DCAF8L2: variants seen among roughly 807,000 people sequenced by gnomAD.
The protein encoded by DCAF8L2 is DDB1 and CUL4 associated factor 8 like 2, also known as DDB1- and CUL4-associated factor 8-like protein 2.
For synonymous variants in DCAF8L2, 200 were observed against 190.9 expected (o/e 1.05, Z -0.39); for missense variants, 430 against 490.7 (o/e 0.88, Z 1.17).
the DCAF8L2 span, among the ~76,000 whole-genome samples, chrX:27,557,944 T>C: frequency 9.0e-6 from 1 of 111,649 alleles, no homozygotes; most frequent in African/African-American, 3.3e-5. Context: ...TGAGACAAAC[T>C]AGAGTCTCTG....
chrX:27,718,115 T>C (rs1456609184), intron 4 of DCAF8L2, among the ~76,000 whole-genome samples: 2 of 112,030 alleles, frequency 1.8e-5, no homozygotes, highest in African/African-American at 6.5e-5. Flanking sequence ...TGTATTTGTG[T>C]AGCCATTCCC....
chrX:27,733,730 T>C (rs903864997), intron 4 of DCAF8L2, among the ~76,000 whole-genome samples: 1 of 111,433 alleles, frequency 9.0e-6, no homozygotes, highest in Non-Finnish European at 1.9e-5. Flanking sequence ...AGGGTTCAAT[T>C]TCATTATTTT....
chrX:27,640,831 A>G (rs1267163271), intron 2 of DCAF8L2, among the ~76,000 whole-genome samples: 1 of 111,487 alleles, frequency 9.0e-6, no homozygotes, highest in Non-Finnish European at 1.9e-5. Flanking sequence ...GGAGTATTTT[A>G]TTATCATTTT....
chrX:27,697,399 G>A (rs1352932378), intron 3 of DCAF8L2, among the ~76,000 whole-genome samples: 1 of 111,368 alleles, frequency 9.0e-6, no homozygotes, highest in Non-Finnish European at 1.9e-5. Flanking sequence ...TTGGGGAAAT[G>A]AGAATGATGT....
intron 2 of DCAF8L2, among the ~76,000 whole-genome samples, chrX:27,648,445 G>T (rs960009387): frequency 1.9e-5 from 2 of 107,832 alleles, no homozygotes; most frequent in Non-Finnish European, 1.9e-5. Context: ...ATAGAGGCAT[G>T]ATTTTTATTT....
chrX:27,482,226 C>T, the DCAF8L2 span, among the ~76,000 whole-genome samples: 3 of 111,365 alleles, frequency 2.7e-5, no homozygotes, highest in East Asian at 2.8e-4. Flanking sequence ...AATTTAGAAA[C>T]GTAACAAATC....
intron 1 of DCAF8L2, among the ~76,000 whole-genome samples, chrX:27,620,844 G>A (rs1207468257): frequency 9.0e-6 from 1 of 111,562 alleles, no homozygotes; most frequent in Non-Finnish European, 1.9e-5. Context: ...TTAAAAACAG[G>A]GCTTCAAAGA....
intron 3 of DCAF8L2, among the ~76,000 whole-genome samples, chrX:27,702,665 T>C (rs1024827547): frequency 9.0e-6 from 1 of 111,116 alleles, no homozygotes; most frequent in Admixed American, 9.7e-5. Flanking sequence ...CATTTCATGA[T>C]AAAGCATCTT....
intron 2 of DCAF8L2, among the ~76,000 whole-genome samples, chrX:27,644,745 CCTAA>C (rs1928874247): frequency 1.8e-5 from 2 of 111,522 alleles, no homozygotes; most frequent in African/African-American, 6.5e-5. Flanking sequence ...GGGACTCATC[CCTAA>C]CTCTTTTTTG....
At position 27,614,431 on chromosome X, in the gene DCAF8L2, G is replaced by GT. The variant is rs1927355872; in HGVS notation, c.-341-17442dup. Among the ~76,000 whole-genome samples, 3 of 110,819 alleles carry GT rather than the reference G, an allele frequency of 2.7e-5. No individual in the cohort carries two copies. The South Asian group carries it at 1.2e-3, about 43-fold the overall frequency. ...TCTGGATTCATTGATTTTTTGAAGG[G>GT]TTTTTTGTGTCTCTATCTCCTTCAG... On this transcript the variant is annotated intron_variant, in intron 1 of 4. Transcript: ENST00000451261.
At chrX:27,719,070 A>G (rs769832853) in intron 4 of DCAF8L2, among the ~76,000 whole-genome samples, 2 of 111,981 alleles carry the variant, frequency 1.8e-5, no homozygotes, top group East Asian at 2.8e-4. Flanking sequence ...ATCTTGGGCA[A>G]ACATCTAGGA....
At chrX:27,500,723 T>G in the DCAF8L2 span, among the ~76,000 whole-genome samples, 19 of 111,662 alleles carry the variant, frequency 1.7e-4, no homozygotes, top group East Asian at 2.0e-3. Context: ...AAAGGAAAGT[T>G]TCTTGTATTA....
chrX:27,619,577 T>TC lies in DCAF8L2; in HGVS notation c.-341-12302_-341-12301insC, dbSNP rs1296116563. 2.7e-5 allele frequency among the ~76,000 whole-genome samples: 3 copies of TC among 111,413 alleles called. No individual in the cohort carries two copies. In the Admixed American group the frequency reaches 2.9e-4, roughly 11 times the overall value. ...AAGTTGGCACAGAAGTCAGGAAAAG[T>TC]AAAGGGAAATTCAAAGAAGCTAGTG... is the stretch of plus-strand genomic sequence containing the variant. On this transcript the variant is annotated intron_variant, in intron 1 of 4. Coordinates refer to ENST00000451261, the MANE Select transcript of DCAF8L2 (RefSeq NM_001353450.2).
chrX:27,539,022 T>TTTTGC, the DCAF8L2 span, among the ~76,000 whole-genome samples: 177 of 111,589 alleles, frequency 1.6e-3, 1 homozygote, highest in African/African-American at 5.4e-3. Context: ...TTTTGTTTTG[T>TTTTGC]TTTGCTTTTG....
chrX:27,533,220 A>AAG, the DCAF8L2 span, among the ~76,000 whole-genome samples: 2 of 48,496 alleles, frequency 4.1e-5, no homozygotes, highest in African/African-American at 1.1e-4. Flanking sequence ...GAAAGAAAGA[A>AAG]AGAAAGAAAG....
At chrX:27,656,763 A>G (rs1230264203) in intron 2 of DCAF8L2, among the ~76,000 whole-genome samples, 1 of 111,841 alleles carries the variant, frequency 8.9e-6, no homozygotes, top group Non-Finnish European at 1.9e-5. Context: ...GGCTTAGGCT[A>G]AGATCCAGAA....
chrX:27,709,322 G>A (rs767319412), intron 3 of DCAF8L2, among the ~76,000 whole-genome samples: 4 of 112,438 alleles, frequency 3.6e-5, no homozygotes, highest in South Asian at 3.7e-4. Context: ...TGTATTTTCC[G>A]TACATTTTGT....
At chrX:27,629,841 T>TA (rs770967907) in intron 1 of DCAF8L2, among the ~76,000 whole-genome samples, 4 of 111,758 alleles carry the variant, frequency 3.6e-5, no homozygotes, top group East Asian at 5.6e-4. Context: ...CCTATGTCTG[T>TA]AAAAAAATGC....
chrX:27,649,315 A>C (rs1387294501), intron 2 of DCAF8L2, among the ~76,000 whole-genome samples: 1 of 112,143 alleles, frequency 8.9e-6, no homozygotes, highest in East Asian at 2.8e-4. Flanking sequence ...TTTCTTCTGG[A>C]TACATACCCT....
Sources: gnomAD v4.1 joint callset for allele counts (sites outside exome capture counted in the v4.1 genomes callset) on GRCh38, gnomAD v4.1.1 for gene constraint, MANE v1.5 for transcripts, NCBI Gene and HGNC (gene_info 2026-07-23, HGNC 2026-07-21) for gene names.